The following ARHGEF26 variants were observed in gnomAD, a reference collection of about 807,000 sequenced individuals.
ARHGEF26 encodes Rho guanine nucleotide exchange factor 26.
Under a neutral mutation model 89.4 loss-of-function variants are expected in ARHGEF26, and 59 were observed. That is an observed-to-expected ratio of 0.66 (90% CI 0.54 to 0.82). The LOEUF is 0.82. ARHGEF26 is among the 40% of genes least tolerant of loss of function. ARHGEF26 has a pLI of 0.00. For missense variants in ARHGEF26, 1,234 were observed against 1,085.6 expected (o/e 1.14, Z -1.92); for synonymous variants, 500 against 428.4 (o/e 1.17, Z -2.06).
intron 4 of ARHGEF26, among the ~76,000 whole-genome samples, chr3:154,141,893 G>A (rs1182133990): frequency 6.6e-6 from 1 of 152,188 alleles, no homozygotes; most frequent in Non-Finnish European, 1.5e-5. Flanking sequence ...AATTTGAACA[G>A]TGGTAATATC....
At chr3:154,239,754 T>TG (rs1368214024) in intron 11 of ARHGEF26, among the ~76,000 whole-genome samples, 7 of 151,888 alleles carry the variant, frequency 4.6e-5, no homozygotes, top group African/African-American at 1.7e-4. Flanking sequence ...CACAGTGCGA[T>TG]GGGAATGGGA....
At chr3:154,148,193 G>A (rs1457841106) in intron 4 of ARHGEF26, among the ~76,000 whole-genome samples, 1 of 152,194 alleles carries the variant, frequency 6.6e-6, no homozygotes. Context: ...GCCATGAGGA[G>A]CCGCTTTGTC....
intron 9 of ARHGEF26, among the ~76,000 whole-genome samples, chr3:154,209,558 A>C (rs1000883182): frequency 6.6e-6 from 1 of 152,200 alleles, no homozygotes; most frequent in African/African-American, 2.4e-5. Context: ...TCTCTGGATT[A>C]CCAGGTAGAG....
chr3:154,233,559 G>GA (rs1180766295), intron 11 of ARHGEF26, among the ~76,000 whole-genome samples: 4 of 152,160 alleles, frequency 2.6e-5, no homozygotes, highest in African/African-American at 2.4e-5. Context: ...TACTGGGGGG[G>GA]AATGTCAGAG....
At chr3:154,154,838 G>A (rs1720230396) in intron 6 of ARHGEF26, among the ~76,000 whole-genome samples, 2 of 151,928 alleles carry the variant, frequency 1.3e-5, no homozygotes, top group African/African-American at 4.8e-5. Flanking sequence ...ATCTGTATGA[G>A]CATTAGGATT....
chr3:154,256,906 A>G lies in ARHGEF26; in HGVS notation c.*1433A>G. The stretch of plus-strand genomic sequence containing the variant: ...AAAGGTTATCTTAATAGTCGGTTTC[A>G]TGGAGATGAAGGATGGGAGATTAAG... On this transcript the variant is annotated 3_prime_UTR_variant, in exon 15 of 15. Transcript: ENST00000465093. 1.3e-6 allele frequency: 2 copies of G among 1,535,220 alleles called. No homozygotes were observed. Among genetic ancestry groups the G allele is most frequent in the Non-Finnish European group, 1.7e-6 (2 of 1,146,682 alleles).
At chr3:154,171,272 G>A (rs1165533364) in intron 6 of ARHGEF26, among the ~76,000 whole-genome samples, 1 of 152,082 alleles carries the variant, frequency 6.6e-6, no homozygotes, top group Non-Finnish European at 1.5e-5. Flanking sequence ...TATACCCCCT[G>A]ATGCTGCTCC....
At chr3:154,239,293 A>AGT (rs1717333585) in intron 11 of ARHGEF26, among the ~76,000 whole-genome samples, 4 of 58,974 alleles carry the variant, frequency 6.8e-5, no homozygotes, top group East Asian at 4.4e-4. Context: ...AGAGAGAGAG[A>AGT]GAGAGAGTGT....
chr3:154,156,795 G>A lies in ARHGEF26; in HGVS notation c.1487+3863G>A, dbSNP rs557311213. On this transcript the variant is annotated intron_variant, in intron 6 of 14. Transcript: ENST00000465093. Reference sequence around the variant, plus strand: ...AGAGTTTGCAGTCCCAAGAAAATGCGAAATAAAATCTTGAGTAAAATAAAT... The same window carrying A: ...AGAGTTTGCAGTCCCAAGAAAATGCAAAATAAAATCTTGAGTAAAATAAAT... Among the ~76,000 whole-genome samples the A allele has an allele frequency of 3.4e-4, 52 of 152,250 alleles. No individual in the cohort carries two copies. The South Asian group carries it at 6.4e-3, about 19-fold the overall frequency.
At chr3:154,195,161 C>T (rs1323789070) in intron 9 of ARHGEF26, among the ~76,000 whole-genome samples, 2 of 152,146 alleles carry the variant, frequency 1.3e-5, no homozygotes, top group African/African-American at 4.8e-5. Flanking sequence ...GGGAAGTCCA[C>T]AGTGGTGTCT....
chr3:154,162,966 G>A (rs532117525), intron 6 of ARHGEF26, among the ~76,000 whole-genome samples: 1 of 152,312 alleles, frequency 6.6e-6, no homozygotes, highest in Admixed American at 6.5e-5. Context: ...TGAACCGCAT[G>A]ATGGTAGGAG....
chr3:154,239,281 A>G (rs1175796120), intron 11 of ARHGEF26, among the ~76,000 whole-genome samples: 5 of 103,382 alleles, frequency 4.8e-5, no homozygotes, highest in African/African-American at 1.5e-4. Context: ...AGAGAGAGAG[A>G]GAGAGAGAGA....
chr3:154,201,710 A>G (rs1576770914), intron 9 of ARHGEF26, among the ~76,000 whole-genome samples: 1 of 151,986 alleles, frequency 6.6e-6, no homozygotes, highest in East Asian at 1.9e-4. Flanking sequence ...CTGGTGTGAG[A>G]TGGTATCTCA....
intron 12 of ARHGEF26, among the ~76,000 whole-genome samples, chr3:154,248,367 TAAC>T (rs780781428): frequency 2.4e-4 from 37 of 152,310 alleles, no homozygotes; most frequent in Admixed American, 3.9e-4. Context: ...ATGATTTAAT[TAAC>T]AACAGGAAGT....
At chr3:154,150,877 A>G (rs1448639824) in intron 5 of ARHGEF26, among the ~76,000 whole-genome samples, 2 of 152,186 alleles carry the variant, frequency 1.3e-5, no homozygotes, top group East Asian at 3.8e-4. Context: ...GGTCTAACCT[A>G]ATTTGCTTTT....
intron 12 of ARHGEF26, among the ~76,000 whole-genome samples, chr3:154,241,200 AT>A (rs1717464276): frequency 6.6e-6 from 1 of 152,160 alleles, no homozygotes; most frequent in South Asian, 2.1e-4. Context: ...CACCTTAGTG[AT>A]TTTTTGGTCC....
Position 154,254,740 on chromosome 3 carries a change from G to C in ARHGEF26, c.2389G>C (p.Val797Leu). ...CTCAGCACTGACCCAGGTGGAAATC[G>C]TTAGGTCATTTACTGCTAAGCAGCC... ...DRTSLTQVEI[V>L]RSFTAKQPDE... Residue 797 changes from valine (V) to leucine (L), a missense_variant, in exon 14 of 15, where the codon GTT becomes CTT. Val to Leu is a conservative substitution (Grantham distance 32). Transcript: ENST00000465093. 1 of 1,613,828 alleles carries C rather than the reference G, an allele frequency of 6.2e-7. No individual in the cohort carries two copies. Among genetic ancestry groups the C allele is most frequent in the Non-Finnish European group, 8.5e-7 (1 of 1,179,820 alleles).
chr3:154,238,371 G>A (rs892831396), intron 11 of ARHGEF26, among the ~76,000 whole-genome samples: 7 of 152,168 alleles, frequency 4.6e-5, no homozygotes, highest in African/African-American at 1.7e-4. Flanking sequence ...AATTAGGCTT[G>A]ATCAGAAGGC....
At chr3:154,159,425 T>G (rs1276237893) in intron 6 of ARHGEF26, among the ~76,000 whole-genome samples, 1 of 152,130 alleles carries the variant, frequency 6.6e-6, no homozygotes, top group African/African-American at 2.4e-5. Context: ...GAACTGAATT[T>G]GTTCCCAACA....
Sources: allele counts gnomAD v4.1 joint callset (sites outside exome capture counted in the v4.1 genomes callset), GRCh38; gene constraint gnomAD v4.1.1; transcripts MANE v1.5; gene names NCBI Gene and HGNC (gene_info 2026-07-23, HGNC 2026-07-21).